OSBPL9: variants seen among roughly 807,000 people sequenced by gnomAD.
OSBPL9 encodes the protein oxysterol-binding protein-related protein 9.
Under a neutral mutation model 106.6 loss-of-function variants are expected in OSBPL9, and 40 were observed. The ratio of observed to expected loss-of-function variants is 0.38; its 90% CI spans 0.29 to 0.49. OSBPL9 has a LOEUF of 0.49. OSBPL9 is among the 20% of genes least tolerant of loss of function. The pLI, the probability that OSBPL9 is intolerant of heterozygous loss-of-function variation, is 0.97. For synonymous variants in OSBPL9, 269 were observed against 295.4 expected, an observed-to-expected ratio of 0.91 and a Z score of 0.92; for missense variants, 609 against 887.2, an observed-to-expected ratio of 0.69 and a Z score of 3.98.
intron 8 of OSBPL9, among the ~76,000 whole-genome samples, chr1:51,754,787 T>A (rs1669976190): frequency 6.6e-6 from 1 of 152,182 alleles, no homozygotes; most frequent in Admixed American, 6.5e-5. Flanking sequence ...ATTCTCCCTC[T>A]CTCTTCTTTC....
the OSBPL9 span, among the ~76,000 whole-genome samples, chr1:51,570,767 T>A: frequency 6.6e-6 from 1 of 152,196 alleles, no homozygotes; most frequent in Non-Finnish European, 1.5e-5. Flanking sequence ...ATCTGAGAAG[T>A]ACTTTGTAAA....
At chr1:51,582,187 C>T (rs967169294) in intron 1 of OSBPL9, among the ~76,000 whole-genome samples, 2 of 152,262 alleles carry the variant, frequency 1.3e-5, no homozygotes, top group Admixed American at 6.5e-5. Context: ...TTTCCAGGTA[C>T]CTGGAATTAT....
intron 12 of OSBPL9, among the ~76,000 whole-genome samples, chr1:51,770,188 C>T (rs554175290): frequency 1.1e-3 from 163 of 150,196 alleles, no homozygotes; most frequent in African/African-American, 3.8e-3. Context: ...CAAACTGGAG[C>T]TGGAGTGCAG....
At chr1:51,638,738 G>A (rs553301683) in intron 1 of OSBPL9, among the ~76,000 whole-genome samples, 2 of 152,050 alleles carry the variant, frequency 1.3e-5, no homozygotes, top group East Asian at 1.9e-4. Flanking sequence ...TGGGTGTGGT[G>A]GTGTGCCCCT....
At chr1:51,519,405 T>A in the OSBPL9 span, 1 of 207,466 alleles carries the variant, frequency 4.8e-6, no homozygotes. Context: ...CCCGCCCGCC[T>A]GCCCGCCCGC....
intron 2 of OSBPL9, among the ~76,000 whole-genome samples, chr1:51,664,532 A>G (rs1647957593): frequency 6.6e-6 from 1 of 152,100 alleles, no homozygotes. Context: ...TCTACAAAAA[A>G]TATAAAAATT....
At chr1:51,568,619 T>C in the OSBPL9 span, among the ~76,000 whole-genome samples, 1 of 152,260 alleles carries the variant, frequency 6.6e-6, no homozygotes, top group Non-Finnish European at 1.5e-5. Context: ...CAGGCTGGAG[T>C]GTAGTGGTGC....
In OSBPL9 at chr1:51,677,495, A is replaced by G. The variant is rs1352996352; in HGVS notation, c.241+7983A>G. Reference sequence around the variant, plus strand: ...TTAAAGATAAAAATTAAGGGTATGTATGTGATTAGTTTTCCATAAAATAAT... The same window carrying G: ...TTAAAGATAAAAATTAAGGGTATGTGTGTGATTAGTTTTCCATAAAATAAT... On this transcript the variant is annotated intron_variant, in intron 3 of 23. Coordinates refer to ENST00000428468, the MANE Select transcript of OSBPL9 (RefSeq NM_024586.6). 2.0e-5 allele frequency among the ~76,000 whole-genome samples: 3 copies of G among 152,196 alleles called. No homozygotes were observed. In the East Asian group the frequency reaches 5.8e-4, roughly 29 times the overall value.
the OSBPL9 span, among the ~76,000 whole-genome samples, chr1:51,558,081 C>T: frequency 1.1e-4 from 17 of 152,142 alleles, no homozygotes; most frequent in South Asian, 2.1e-4. Flanking sequence ...GAGATCAAGA[C>T]CATCCTGGCT....
intron 4 of OSBPL9, among the ~76,000 whole-genome samples, chr1:51,719,645 A>T (rs1388684272): frequency 6.6e-6 from 1 of 152,168 alleles, no homozygotes; most frequent in African/African-American, 2.4e-5. Context: ...AACTTGAGTA[A>T]ATTGGGGCCC....
chr1:51,766,124 G>T (rs1200135907), intron 12 of OSBPL9, 143 bp downstream of exon 12: 2 of 871,268 alleles, frequency 2.3e-6, no homozygotes, highest in Admixed American at 3.5e-5. Context: ...TTTAATAGAA[G>T]TTTTTTTATT....
chr1:51,642,814 G>C (rs2148679014), intron 1 of OSBPL9, among the ~76,000 whole-genome samples: 1 of 152,244 alleles, frequency 6.6e-6, no homozygotes, highest in South Asian at 2.1e-4. Context: ...AAATGAGAGA[G>C]GGTTTTATTA....
chr1:51,649,608 C>G (rs1238053120), intron 1 of OSBPL9, among the ~76,000 whole-genome samples: 2 of 151,902 alleles, frequency 1.3e-5, no homozygotes, highest in African/African-American at 4.8e-5. Flanking sequence ...TTTAAAGCCC[C>G]AGGTTGAAAC....
At chr1:51,769,812 T>A (rs1031848828) in intron 12 of OSBPL9, among the ~76,000 whole-genome samples, 3 of 152,150 alleles carry the variant, frequency 2.0e-5, no homozygotes, top group Admixed American at 6.5e-5. Context: ...TTTCTAATCA[T>A]GGGTAAGGAG....
At chr1:51,776,540 G>A (rs922562193) in intron 14 of OSBPL9, among the ~76,000 whole-genome samples, 2 of 152,174 alleles carry the variant, frequency 1.3e-5, no homozygotes. Flanking sequence ...TGAGTTTGTT[G>A]AGTAGTTTGT....
At chr1:51,654,290 A>G (rs1229101469) in intron 2 of OSBPL9, among the ~76,000 whole-genome samples, 1 of 152,174 alleles carries the variant, frequency 6.6e-6, no homozygotes, top group African/African-American at 2.4e-5. Context: ...ACCTACACCC[A>G]TTAACTCACT....
intron 1 of OSBPL9, among the ~76,000 whole-genome samples, chr1:51,597,423 ATGTGTGTGTGTGTG>A (rs71063046): frequency 8.8e-5 from 12 of 135,840 alleles, no homozygotes; most frequent in East Asian, 4.2e-4. Flanking sequence ...ATATATATAT[ATGTGTGTGTGTGTG>A]TGTGTGTGTG....
intron 1 of OSBPL9, among the ~76,000 whole-genome samples, chr1:51,636,082 A>ATGTGTGTGTGTGTGTG (rs35392929): frequency 7.2e-6 from 1 of 139,646 alleles, no homozygotes; most frequent in African/African-American, 2.6e-5. Flanking sequence ...ATGTATGTAT[A>ATGTGTGTGTGTGTGTG]TGTGTGTGTG....
intron 3 of OSBPL9, among the ~76,000 whole-genome samples, chr1:51,676,876 G>A (rs72898031): frequency 0.12 from 18,928 of 152,110 alleles, 1,296 homozygotes; most frequent in Middle Eastern, 0.22. Flanking sequence ...TATTAGTGGC[G>A]GTGTTGGTGT....
Sources: gnomAD v4.1 joint callset for allele counts (sites outside exome capture counted in the v4.1 genomes callset) on GRCh38, gnomAD v4.1.1 for gene constraint, MANE v1.5 for transcripts, NCBI Gene and HGNC (gene_info 2026-07-23, HGNC 2026-07-21) for gene names.